DPYS: variants seen among roughly 807,000 people sequenced by gnomAD.
DPYS encodes the protein dihydropyrimidinase.
Under a neutral mutation model 50.3 loss-of-function variants are expected in DPYS, and 39 were observed. That is an observed-to-expected ratio of 0.78 (90% CI 0.60 to 1.01). The LOEUF (loss-of-function observed/expected upper bound fraction) is 1.01, where lower values mean the gene tolerates loss of function less well. DPYS is among the 50% of genes least tolerant of loss of function. DPYS has a pLI of 0.00. For synonymous variants in DPYS, 245 were observed against 250.7 expected (o/e 0.98, Z 0.22); for missense variants, 659 against 680.9 (o/e 0.97, Z 0.36).
intron 4 of DPYS, among the ~76,000 whole-genome samples, chr8:104,433,112 T>A (rs918704062): frequency 6.6e-6 from 1 of 152,154 alleles, no homozygotes; most frequent in Non-Finnish European, 1.5e-5. Context: ...AAGAAAAGCC[T>A]AGAACACATC....
chr8:104,399,785 C>T (rs975961219), intron 7 of DPYS, among the ~76,000 whole-genome samples: 33 of 131,492 alleles, frequency 2.5e-4, no homozygotes, highest in African/African-American at 8.2e-4. Context: ...AGGAGAATGG[C>T]GTGAACCTGG....
rs150265145 is a variant in DPYS, at chr8:104,431,319, C to A, written c.794-1618G>T. Among the ~76,000 whole-genome samples, 331 of 152,012 alleles carry A rather than the reference C, an allele frequency of 2.2e-3. 1 individual carries two copies. The highest frequency in any genetic ancestry group is 7.5e-3 in the African/African-American group (309 of 41,450). On this transcript the variant is annotated intron_variant, in intron 4 of 9. Coordinates refer to ENST00000351513, the MANE Select transcript of DPYS (RefSeq NM_001385.3). ...GAGTCTGCCAGGACTGTTTTGAAAC[C>A]AGATGACAGGTAATTTCCTTGGAAG... is the stretch of plus-strand genomic sequence containing the variant.
intron 7 of DPYS, 151 bp downstream of exon 7, chr8:104,424,096 C>A: frequency 2.0e-6 from 3 of 1,533,872 alleles, no homozygotes; most frequent in Non-Finnish European, 1.8e-6. Context: ...CACATCAAAA[C>A]CTTTATCTTG....
At chr8:104,424,509 G>T in intron 6 of DPYS, 120 bp from the exon 7 acceptor site, 1 of 1,039,432 alleles carries the variant, frequency 9.6e-7, no homozygotes, top group South Asian at 1.4e-5. Flanking sequence ...TTATATTGTA[G>T]AGCATCTGAG....
chr8:104,422,076 G>A (rs1452460771), intron 7 of DPYS, among the ~76,000 whole-genome samples: 4 of 152,160 alleles, frequency 2.6e-5, no homozygotes, highest in Admixed American at 6.5e-5. Context: ...CCCTGAGCTG[G>A]TGTCATCCCT....
chr8:104,422,681 G>A (rs1812588041), intron 7 of DPYS, among the ~76,000 whole-genome samples: 1 of 152,160 alleles, frequency 6.6e-6, no homozygotes, highest in African/African-American at 2.4e-5. Flanking sequence ...TTTCTTTACA[G>A]AATAGTTTTC....
At chr8:104,388,114 C>T (rs1811270152) in intron 8 of DPYS, among the ~76,000 whole-genome samples, 1 of 152,174 alleles carries the variant, frequency 6.6e-6, no homozygotes, top group African/African-American at 2.4e-5. Context: ...TTTCTCTGAG[C>T]TACCACCTTG....
intron 8 of DPYS, among the ~76,000 whole-genome samples, chr8:104,391,370 T>C (rs950523079): frequency 3.9e-5 from 6 of 152,178 alleles, no homozygotes; most frequent in Admixed American, 3.3e-4. Context: ...CACTACCATC[T>C]ACATGGCCAG....
Position 104,415,811 on chromosome 8 carries a change from T to C in DPYS, c.1235+8436A>G, listed in dbSNP as rs572838200. On this transcript the variant is annotated intron_variant, in intron 7 of 9. Transcript: ENST00000351513. ...TGGGAGACAGAGTTTTTATATGAAA[T>C]ATAATTATAGTATCTTTTGGTCCTG... 1.1e-4 allele frequency among the ~76,000 whole-genome samples: 16 copies of C among 152,244 alleles called. No homozygotes were observed. In the South Asian group the frequency reaches 3.3e-3, roughly 32 times the overall value.
At chr8:104,461,481 G>A (rs925926447) in intron 1 of DPYS, among the ~76,000 whole-genome samples, 1 of 152,034 alleles carries the variant, frequency 6.6e-6, no homozygotes, top group African/African-American at 2.4e-5. Flanking sequence ...TTACTCTAAG[G>A]GATCATTTCT....
intron 8 of DPYS, among the ~76,000 whole-genome samples, chr8:104,386,096 A>C (rs912659694): frequency 3.3e-5 from 5 of 152,242 alleles, no homozygotes; most frequent in East Asian, 1.9e-4. Context: ...TGACAAATTA[A>C]TAGAGAGACA....
At chr8:104,447,550 AATG>A (rs1169357594) in intron 2 of DPYS, 47 bp from the exon 3 acceptor site, 1 of 1,599,404 alleles carries the variant, frequency 6.3e-7, no homozygotes, top group African/African-American at 1.3e-5. Flanking sequence ...CTCTAATTTA[AATG>A]ATAATTTCAA....
rs1588471406 is a variant in DPYS at position 104,466,973 on chromosome 8, T to G, written c.-53A>C. ...GCCCGGGCTGCGCGCAGGGGCTGGG[T>G]TGGGCGGGCCGGGCGGGCTTGGGGT... is the stretch of plus-strand genomic sequence containing the variant. On this transcript the variant is annotated 5_prime_UTR_variant, in exon 1 of 10. Transcript: ENST00000351513. The G allele has an allele frequency of 7.3e-7, 1 of 1,362,738 alleles. No individual in the cohort carries two copies. Among genetic ancestry groups the G allele is most frequent in the Non-Finnish European group, 9.4e-7 (1 of 1,061,770 alleles). The allele number at this position is 1,362,738 out of a possible 1,614,324, so 84.4% of individuals were successfully genotyped here.
At position 104,429,551 on chromosome 8, in the gene DPYS, A is replaced by G. The variant is rs1213641959; in HGVS notation, c.944T>C (p.Leu315Ser). 3.7e-6 allele frequency: 6 copies of G among 1,613,960 alleles called. No individual in the cohort carries two copies. In the Middle Eastern group the frequency reaches 8.2e-4, roughly 221 times the overall value. The change falls in exon 5 of 10, where the codon TTG becomes TCG. Residue 315 changes from leucine to serine, a missense_variant. Leu to Ser is a moderately radical substitution (Grantham distance 145, BLOSUM62 -2). Coordinates refer to ENST00000351513, the MANE Select transcript of DPYS (RefSeq NM_001385.3). ...TCATCTGCAAAATGATTACTTAGCC[A>G]ACAGATTCATGAGGAAGTCGGGTGT... The part of the protein sequence containing the change: ...PSTPDFLMNL[L>S]ANDDLTTTGT...
chr8:104,382,594 A>G (rs1325), intron 8 of DPYS, among the ~76,000 whole-genome samples: 53,673 of 148,844 alleles, frequency 0.36, 13,011 homozygotes, highest in African/African-American at 0.69. Context: ...GACTGCCTGA[A>G]TATCACTTAA....
At chr8:104,461,130 A>C (rs1814144061) in intron 1 of DPYS, among the ~76,000 whole-genome samples, 1 of 150,264 alleles carries the variant, frequency 6.7e-6, no homozygotes, top group Admixed American at 6.6e-5. Flanking sequence ...CAAAAAAAAA[A>C]AAAAATACAA....
chr8:104,405,085 A>G (rs917130328), intron 7 of DPYS, among the ~76,000 whole-genome samples: 3 of 152,074 alleles, frequency 2.0e-5, no homozygotes, highest in Non-Finnish European at 2.9e-5. Flanking sequence ...AGGGATGGGG[A>G]AAAAAAAGTG....
At chr8:104,452,521 TA>T (rs1217718096) in intron 1 of DPYS, among the ~76,000 whole-genome samples, 1 of 152,108 alleles carries the variant, frequency 6.6e-6, no homozygotes, top group Non-Finnish European at 1.5e-5. Flanking sequence ...ATAGGCTTGA[TA>T]GGAGGATTAA....
rs368590087 is a variant in DPYS at position 104,466,831 on chromosome 8, G to A, written c.90C>T (p.Gly30=). 2.9e-5 allele frequency: 44 copies of A among 1,533,158 alleles called. No individual in the cohort carries two copies. The highest frequency in any genetic ancestry group is 8.4e-5 in the South Asian group (7 of 83,512). 95.0% of individuals were successfully genotyped at this position (1,533,158 alleles called of 1,614,324 possible). A position where few individuals can be genotyped will look rare whatever the true frequency, so the allele number is the denominator to read the frequency against. The change falls in exon 1 of 10, where the codon GGC becomes GGT. Residue 30 remains glycine (G), a synonymous_variant. Transcript: ENST00000351513. Reference sequence around the variant, plus strand: ...GGTCGTGCCCGAGTGCCCGCACCACGCCGTCCTCCACCAGCACGTCGGCCA... The same window carrying A: ...GGTCGTGCCCGAGTGCCCGCACCACACCGTCCTCCACCAGCACGTCGGCCA... The part of the protein sequence containing the change: ...SEVADVLVED[G]VVRALGHDLL...
Sources: gnomAD v4.1 joint callset for allele counts (sites outside exome capture counted in the v4.1 genomes callset) on GRCh38, gnomAD v4.1.1 for gene constraint, MANE v1.5 for transcripts, NCBI Gene and HGNC (gene_info 2026-07-23, HGNC 2026-07-21) for gene names.